The following CEP70 variants were observed in gnomAD, a reference collection of about 807,000 sequenced individuals.
CEP70 encodes centrosomal protein of 70 kDa.
A neutral mutation model predicts 90.9 loss-of-function variants in CEP70; 70 were observed. The ratio of observed to expected loss-of-function variants is 0.77; its 90% confidence interval spans 0.64 to 0.94. The LOEUF is 0.94. Among genes scored for constraint, CEP70 ranks in the 40% least tolerant of loss-of-function variants. CEP70 has a pLI of 0.00. For synonymous variants in CEP70, 220 were observed against 228.3 expected (o/e 0.96, Z 0.33); for missense variants, 648 against 669.0 (o/e 0.97, Z 0.35).
intron 17 of CEP70, chr3:138,496,781 A>C: frequency 1.0e-6 from 1 of 985,434 alleles, no homozygotes; most frequent in Non-Finnish European, 1.2e-6. Flanking sequence ...ACTTTGACCA[A>C]ATTACAGAAT....
intron 11 of CEP70, among the ~76,000 whole-genome samples, chr3:138,520,034 T>C (rs1042708293): frequency 2.0e-5 from 3 of 152,192 alleles, no homozygotes; most frequent in Non-Finnish European, 4.4e-5. Context: ...GTTGCAATCC[T>C]AGTCTCTGAT....
chr3:138,567,314 T>G (rs1212923886), intron 6 of CEP70, among the ~76,000 whole-genome samples: 2 of 152,202 alleles, frequency 1.3e-5, no homozygotes, highest in East Asian at 3.8e-4. Flanking sequence ...TAGAAGAATG[T>G]GTCTTAAACT....
At chr3:138,497,597 T>C in intron 17 of CEP70, 6 of 954,184 alleles carry the variant, frequency 6.3e-6, no homozygotes, top group Non-Finnish European at 7.5e-6. Context: ...TCCACAGATA[T>C]TTATGACTTT....
Position 138,523,062 on chromosome 3 carries a change from G to T in CEP70, c.944+2428C>A, listed in dbSNP as rs1465556256. Among the ~76,000 whole-genome samples the T allele has an allele frequency of 1.1e-4, 16 of 152,260 alleles. No homozygotes were observed. In the South Asian group the frequency reaches 3.1e-3, roughly 30 times the overall value. ...GGCTTTATCCCTGGGATGCAAGGCT[G>T]GTTCAACATACACAAATCAATAAAT... On this transcript the variant is annotated intron_variant, in intron 11 of 17. Transcript: ENST00000264982.
At chr3:138,510,138 G>A (rs1233963158) in intron 11 of CEP70, among the ~76,000 whole-genome samples, 3 of 151,828 alleles carry the variant, frequency 2.0e-5, no homozygotes, top group Non-Finnish European at 2.9e-5. Context: ...ACCTCAAACT[G>A]CAAAAGTTAC....
chr3:138,550,353 G>A (rs1442789941), intron 6 of CEP70, among the ~76,000 whole-genome samples: 10 of 152,126 alleles, frequency 6.6e-5, no homozygotes, highest in African/African-American at 2.4e-4. Context: ...TGAAAAGATT[G>A]CATACATTTT....
At chr3:138,507,516 C>G (rs2035095854) in intron 12 of CEP70, among the ~76,000 whole-genome samples, 1 of 151,896 alleles carries the variant, frequency 6.6e-6, no homozygotes, top group East Asian at 1.9e-4. Context: ...AAACTTTTAA[C>G]TATAGAAATT....
intron 8 of CEP70, 126 bp from the exon 9 acceptor site, chr3:138,529,588 G>T: frequency 1.6e-6 from 1 of 635,290 alleles, no homozygotes; most frequent in Non-Finnish European, 2.7e-6. Context: ...TTTCCTACTT[G>T]TTCTCATAGA....
intron 6 of CEP70, among the ~76,000 whole-genome samples, chr3:138,551,508 G>A (rs1490900318): frequency 1.3e-5 from 2 of 152,150 alleles, no homozygotes; most frequent in African/African-American, 4.8e-5. Context: ...CACTTTGGGA[G>A]AACGAGGCAG....
chr3:138,538,759 G>A (rs2038502989), intron 6 of CEP70, among the ~76,000 whole-genome samples: 1 of 151,788 alleles, frequency 6.6e-6, no homozygotes, highest in African/African-American at 2.4e-5. Flanking sequence ...TCTGGTTCTG[G>A]GCCTTTATTT....
intron 2 of CEP70, among the ~76,000 whole-genome samples, chr3:138,582,775 A>G (rs1187442933): frequency 1.3e-5 from 2 of 152,084 alleles, no homozygotes; most frequent in Admixed American, 1.3e-4. Flanking sequence ...AAAAAATAAA[A>G]ATAAATAAAT....
At chr3:138,571,410 T>C (rs1560437829) in intron 3 of CEP70, 54 bp from the exon 4 acceptor site, 5 of 1,183,458 alleles carry the variant, frequency 4.2e-6, no homozygotes, top group South Asian at 2.6e-5. Flanking sequence ...AGTGAAGAAA[T>C]TCTCTCATAT....
intron 6 of CEP70, among the ~76,000 whole-genome samples, chr3:138,548,318 A>G (rs2039368304): frequency 6.6e-6 from 1 of 152,232 alleles, no homozygotes; most frequent in Non-Finnish European, 1.5e-5. Flanking sequence ...ACTCCTGGGG[A>G]AACTTTAGCC....
chr3:138,580,684 G>C (rs937546036), intron 2 of CEP70, among the ~76,000 whole-genome samples: 8 of 151,904 alleles, frequency 5.3e-5, no homozygotes, highest in Non-Finnish European at 1.2e-4. Context: ...TAAGACACAA[G>C]GGACCAATCC....
intron 6 of CEP70, among the ~76,000 whole-genome samples, chr3:138,563,352 A>C (rs1434312579): frequency 6.6e-6 from 1 of 152,190 alleles, no homozygotes; most frequent in Non-Finnish European, 1.5e-5. Context: ...ATGCAGACCT[A>C]ATAGATATCT....
chr3:138,593,164 T>C (rs980755957), intron 1 of CEP70: 2 of 152,204 alleles, frequency 1.3e-5, no homozygotes, highest in African/African-American at 4.8e-5. Flanking sequence ...ATATTTAAAG[T>C]ACAAAACTCA....
In CEP70 at chr3:138,532,497, T is replaced by A; in HGVS notation, c.692+17A>T. 1 of 1,489,366 alleles carries A rather than the reference T, an allele frequency of 6.7e-7. No homozygotes were observed. Among genetic ancestry groups the A allele is most frequent in the Non-Finnish European group, 8.9e-7 (1 of 1,119,130 alleles). 92.3% of individuals were successfully genotyped at this position (1,489,366 alleles called of 1,614,324 possible). On this transcript the variant is annotated intron_variant, in intron 8 of 17. Coordinates refer to ENST00000264982, the MANE Select transcript of CEP70 (RefSeq NM_024491.4). Reference sequence around the variant, plus strand: ...GGATTAAAACCTTTAAAAACTGTAATACAGGATTACTCGTACCTTTGTGTA... The same window carrying A: ...GGATTAAAACCTTTAAAAACTGTAAAACAGGATTACTCGTACCTTTGTGTA...
At chr3:138,527,914 T>C (rs2037437558) in intron 10 of CEP70, among the ~76,000 whole-genome samples, 1 of 150,970 alleles carries the variant, frequency 6.6e-6, no homozygotes, top group Non-Finnish European at 1.5e-5. Context: ...AACTGTTTCA[T>C]AGGTGTATAC....
At chr3:138,580,290 C>T (rs1303488641) in intron 2 of CEP70, among the ~76,000 whole-genome samples, 2 of 152,056 alleles carry the variant, frequency 1.3e-5, no homozygotes, top group Non-Finnish European at 2.9e-5. Flanking sequence ...GCCTGTGTCA[C>T]CCCTCCCCCA....
Sources: allele counts gnomAD v4.1 joint callset (sites outside exome capture counted in the v4.1 genomes callset), GRCh38; gene constraint gnomAD v4.1.1; transcripts MANE v1.5; gene names NCBI Gene and HGNC (gene_info 2026-07-23, HGNC 2026-07-21).